The following PSME4 variants were observed in gnomAD, a reference collection of about 807,000 sequenced individuals.
The protein encoded by PSME4 is proteasome activator subunit 4.
Under a neutral mutation model 253.9 loss-of-function variants are expected in PSME4, and 89 were observed. The ratio of observed to expected loss-of-function variants is 0.35; its 90% confidence interval spans 0.30 to 0.42. The LOEUF is 0.42. Ranked by LOEUF, PSME4 falls within the 10% of genes least tolerant of loss-of-function variation. PSME4 has a pLI of 1.00. For missense variants in PSME4, 2,014 were observed against 2,195.2 expected (o/e 0.92, Z 1.65); for synonymous variants, 851 against 759.2 (o/e 1.12, Z -1.99).
At chr2:53,940,917 A>AATATATATAATACATATTTAAATAT (rs1558413333) in intron 3 of PSME4, among the ~76,000 whole-genome samples, 56 of 69,274 alleles carry the variant, frequency 8.1e-4, no homozygotes, top group South Asian at 1.5e-3. Context: ...TACATATTTA[A>AATATATATAATACATATTTAAATAT]ATATATATAT....
At chr2:53,891,144 T>C (rs926296113) in intron 36 of PSME4, among the ~76,000 whole-genome samples, 63 of 152,256 alleles carry the variant, frequency 4.1e-4, no homozygotes, top group East Asian at 1.7e-3. Flanking sequence ...TCAAGATCAT[T>C]TGATTAAACC....
chr2:53,869,612 G>A, intron 43 of PSME4, 74 bp from the exon 44 acceptor site: 2 of 1,242,978 alleles, frequency 1.6e-6, no homozygotes, highest in African/African-American at 3.0e-5. Flanking sequence ...GGGGTAGTGT[G>A]GGAACTGGGG....
intron 14 of PSME4, among the ~76,000 whole-genome samples, chr2:53,924,730 C>T (rs570323248): frequency 5.7e-4 from 86 of 152,202 alleles, no homozygotes; most frequent in African/African-American, 2.0e-3. Flanking sequence ...CCCATTAACT[C>T]GTCACTTACA....
chr2:53,882,817 G>C (rs904967030), intron 41 of PSME4, among the ~76,000 whole-genome samples: 9 of 151,782 alleles, frequency 5.9e-5, no homozygotes, highest in East Asian at 1.9e-4. Flanking sequence ...ATATTGATTG[G>C]GTTCATAAAA....
chr2:53,956,989 T>C (rs1484274536), intron 1 of PSME4, among the ~76,000 whole-genome samples: 1 of 151,954 alleles, frequency 6.6e-6, no homozygotes, highest in African/African-American at 2.4e-5. Context: ...AACCATTGAG[T>C]TCATGAAAAA....
intron 3 of PSME4, among the ~76,000 whole-genome samples, chr2:53,944,046 TGAACTAA>T (rs1430412717): frequency 6.6e-6 from 1 of 152,184 alleles, no homozygotes; most frequent in Non-Finnish European, 1.5e-5. Flanking sequence ...CTGATCAACT[TGAACTAA>T]GTATTTTTTA....
At chr2:53,923,699 C>T (rs1668427657) in intron 14 of PSME4, among the ~76,000 whole-genome samples, 1 of 151,862 alleles carries the variant, frequency 6.6e-6, no homozygotes, top group Non-Finnish European at 1.5e-5. Context: ...GAGGCAGGAG[C>T]ATCACTTGAC....
intron 42 of PSME4, among the ~76,000 whole-genome samples, chr2:53,874,762 T>C (rs144734754): frequency 4.6e-3 from 700 of 152,246 alleles, no homozygotes; most frequent in African/African-American, 0.016. Context: ...CTGGCCAACA[T>C]GGTGAAACCC....
At position 53,970,768 on chromosome 2, in the gene PSME4, C is replaced by G. The variant is rs979195829; in HGVS notation, c.17G>C (p.Arg6Pro). Residue 6 changes from arginine to proline, a missense_variant, in exon 1 of 47, where the codon CGG becomes CCG. Transcript: ENST00000404125. MEPAE[R>P]AGVGEPPEPG... ...CTCCGGGGGCTCTCCGACTCCCGCCCGCTCGGCCGGCTCCATGAGCCCAGG... is the reference window on the plus strand; with the variant it reads ...CTCCGGGGGCTCTCCGACTCCCGCCGGCTCGGCCGGCTCCATGAGCCCAGG... 1.9e-6 allele frequency: 3 copies of G among 1,542,828 alleles called. No individual in the cohort carries two copies. Among genetic ancestry groups the G allele is most frequent in the South Asian group, 2.4e-5 (2 of 83,652 alleles).
chr2:53,883,416 C>T (rs1434216971), intron 41 of PSME4, among the ~76,000 whole-genome samples: 1 of 152,078 alleles, frequency 6.6e-6, no homozygotes, highest in Non-Finnish European at 1.5e-5. Flanking sequence ...AGGAGGACTG[C>T]TTGTGCCCAG....
intron 20 of PSME4, among the ~76,000 whole-genome samples, chr2:53,910,662 A>AC (rs965084739): frequency 4.6e-5 from 7 of 152,186 alleles, no homozygotes; most frequent in Non-Finnish European, 7.4e-5. Flanking sequence ...ACCAGAGGCT[A>AC]CCCTGAGCCT....
rs1181960830 is a variant in PSME4 at position 53,866,827 on chromosome 2, T to A, written c.5317A>T (p.Ser1773Cys). 1 of 1,614,056 alleles carries A rather than the reference T, an allele frequency of 6.2e-7. No individual in the cohort carries two copies. The highest frequency in any genetic ancestry group is 2.2e-5 in the East Asian group (1 of 44,878). The part of the protein sequence containing the change: ...VLGLGACVLS[S>C]PYDVPTWMPQ... ...ATCCAGGTGGGAACATCGTAAGGAC[T>A]AGAAAGAACACATGCACCAAGTCCT... Residue 1773 changes from serine to cysteine, a missense_variant, in exon 45 of 47, where the codon AGT (serine) becomes TGT (cysteine). By Grantham distance (112) the Ser-to-Cys change is moderately radical (BLOSUM62 -1). Around this residue, in one of 4 missense-constraint regions of PSME4, gnomAD observed 403 missense variants for 556.1 expected, o/e 0.72. Coordinates refer to ENST00000404125, the MANE Select transcript of PSME4 (RefSeq NM_014614.3).
At chr2:53,870,536 A>ATT (rs969614511) in intron 43 of PSME4, 4 of 143,074 alleles carry the variant, frequency 2.8e-5, no homozygotes, top group Non-Finnish European at 4.6e-5. Flanking sequence ...ACCATGGCTA[A>ATT]TTTTTTTTTT....
chr2:53,917,869 G>C (rs966583691), intron 20 of PSME4, among the ~76,000 whole-genome samples: 1 of 152,044 alleles, frequency 6.6e-6, no homozygotes, highest in Non-Finnish European at 1.5e-5. Flanking sequence ...GTACAACTGC[G>C]CTTATATCAA....
At chr2:53,905,778 C>T (rs1249182589) in intron 26 of PSME4, among the ~76,000 whole-genome samples, 1 of 152,012 alleles carries the variant, frequency 6.6e-6, no homozygotes, top group Non-Finnish European at 1.5e-5. Context: ...GATCACACCA[C>T]TGCACTGCAG....
At chr2:53,908,044 A>T in intron 24 of PSME4, 1 of 336,632 alleles carries the variant, frequency 3.0e-6, no homozygotes, top group Non-Finnish European at 5.4e-6. Context: ...AATTCCTTCA[A>T]GTTCTTACAA....
Position 53,970,899 on chromosome 2 carries a change from C to T in PSME4, c.-115G>A. ...CGCCCTGCGGCCGCTGGCGGCCCGTCGCCCTCGGACCGATCGCTAGGCCCC... is the reference window on the plus strand; with the variant it reads ...CGCCCTGCGGCCGCTGGCGGCCCGTTGCCCTCGGACCGATCGCTAGGCCCC... On this transcript the variant is annotated 5_prime_UTR_variant, in exon 1 of 47. Transcript: ENST00000404125. 1 of 874,190 alleles carries T rather than the reference C, an allele frequency of 1.1e-6. No individual in the cohort carries two copies. The highest frequency in any genetic ancestry group is 3.3e-5 in the East Asian group (1 of 30,742). 54.2% of individuals were successfully genotyped at this position (874,190 alleles called of 1,614,324 possible). A position where few individuals can be genotyped will look rare whatever the true frequency, so the allele number is the denominator to read the frequency against.
intron 37 of PSME4, 111 bp downstream of exon 37, chr2:53,889,993 A>C: frequency 1.1e-6 from 1 of 877,790 alleles, no homozygotes; most frequent in Non-Finnish European, 1.8e-6. Flanking sequence ...CAATTAAAAA[A>C]CAAAACCCAA....
intron 17 of PSME4, 21 bp downstream of exon 17, chr2:53,922,496 T>A: frequency 6.2e-7 from 1 of 1,608,866 alleles, no homozygotes; most frequent in South Asian, 1.1e-5. Flanking sequence ...TCATGTTTCT[T>A]ATTCCAAAGA....
Sources: gnomAD v4.1 joint callset for allele counts (sites outside exome capture counted in the v4.1 genomes callset) on GRCh38, gnomAD v4.1.1 for gene constraint, gnomAD v4.1.1 regional missense constraint, MANE v1.5 for transcripts, NCBI Gene and HGNC (gene_info 2026-07-23, HGNC 2026-07-21) for gene names.